The following MAML2 variants were observed in gnomAD, a reference collection of about 807,000 sequenced individuals.
The protein encoded by MAML2 is mastermind like transcriptional coactivator 2.
In MAML2, 22 loss-of-function variants were observed where a neutral mutation model predicts 96.1. The observed-to-expected ratio is 0.23, with a 90% CI of 0.16 to 0.33. The LOEUF (loss-of-function observed/expected upper bound fraction) is 0.33. MAML2 is among the 10% of genes least tolerant of loss of function. MAML2 has a pLI of 1.00. For missense variants in MAML2, 1,367 were observed against 1,392.4 expected (o/e 0.98, Z 0.29); for synonymous variants, 561 against 521.3 (o/e 1.08, Z -1.04).
At chr11:96,164,165 C>T (rs896686495) in intron 1 of MAML2, among the ~76,000 whole-genome samples, 3 of 152,092 alleles carry the variant, frequency 2.0e-5, no homozygotes, top group Non-Finnish European at 2.9e-5. Context: ...CATGAGCCAC[C>T]GTGCCCAGCC....
chr11:96,158,414 G>A (rs1328152774), intron 1 of MAML2, among the ~76,000 whole-genome samples: 1 of 152,162 alleles, frequency 6.6e-6, no homozygotes, highest in Non-Finnish European at 1.5e-5. Context: ...TCCCTGTGTG[G>A]CACAGGGGAA....
At chr11:96,157,561 G>A (rs142128905) in intron 1 of MAML2, among the ~76,000 whole-genome samples, 159 of 152,344 alleles carry the variant, frequency 1.0e-3, no homozygotes, top group African/African-American at 3.5e-3. Flanking sequence ...CATGCTCATG[G>A]AGTATGCATG....
intron 1 of MAML2, among the ~76,000 whole-genome samples, chr11:96,284,038 C>G (rs1470313009): frequency 1.3e-5 from 2 of 152,144 alleles, no homozygotes; most frequent in East Asian, 3.8e-4. Flanking sequence ...TCTTTCAGTT[C>G]TCATCCTCTT....
intron 1 of MAML2, among the ~76,000 whole-genome samples, chr11:96,120,647 G>A (rs910801407): frequency 6.6e-6 from 1 of 152,186 alleles, no homozygotes; most frequent in African/African-American, 2.4e-5. Flanking sequence ...TCACATCTGT[G>A]GAGGGCTGTG....
intron 2 of MAML2, among the ~76,000 whole-genome samples, chr11:96,039,336 G>A (rs1162006590): frequency 7.1e-6 from 1 of 140,302 alleles, no homozygotes; most frequent in Non-Finnish European, 1.6e-5. Flanking sequence ...AGGAGGGGAG[G>A]GGAGAGGAGA....
chr11:96,096,560 C>T (rs896277240), intron 1 of MAML2, among the ~76,000 whole-genome samples: 2 of 152,178 alleles, frequency 1.3e-5, no homozygotes, highest in African/African-American at 2.4e-5. Context: ...ATTCCCACTG[C>T]ACAGCCTGTG....
intron 2 of MAML2, among the ~76,000 whole-genome samples, chr11:96,047,792 A>T (rs1422593664): frequency 6.6e-6 from 1 of 151,432 alleles, no homozygotes; most frequent in Non-Finnish European, 1.5e-5. Flanking sequence ...GGCACCTGTA[A>T]TCCCAGCTAC....
intron 2 of MAML2, among the ~76,000 whole-genome samples, chr11:96,003,881 T>C (rs926942509): frequency 2.0e-5 from 3 of 152,166 alleles, no homozygotes; most frequent in Non-Finnish European, 4.4e-5. Context: ...TTTATAGTAA[T>C]ACTAGTAATA....
At chr11:96,296,290 T>C (rs1186836960) in intron 1 of MAML2, among the ~76,000 whole-genome samples, 1 of 152,166 alleles carries the variant, frequency 6.6e-6, no homozygotes, top group Non-Finnish European at 1.5e-5. Flanking sequence ...GAAAAAATAC[T>C]ACCCTAAAGT....
At chr11:96,276,816 CAAA>C (rs67291067) in intron 1 of MAML2, among the ~76,000 whole-genome samples, 46 of 78,618 alleles carry the variant, frequency 5.9e-4, no homozygotes, top group African/African-American at 1.3e-3. Flanking sequence ...TTCTCAGACC[CAAA>C]AAAAAAAAAA....
At chr11:96,067,267 A>G (rs1456627105) in intron 2 of MAML2, among the ~76,000 whole-genome samples, 9 of 152,190 alleles carry the variant, frequency 5.9e-5, no homozygotes, top group Non-Finnish European at 8.8e-5. Context: ...CATCTCCAGA[A>G]TCAATGTTCA....
chr11:96,118,255 C>T (rs887014900), intron 1 of MAML2, among the ~76,000 whole-genome samples: 8 of 152,194 alleles, frequency 5.3e-5, no homozygotes, highest in South Asian at 2.1e-4. Flanking sequence ...TCCAGCTATA[C>T]GGTTTGGCTC....
intron 1 of MAML2, among the ~76,000 whole-genome samples, chr11:96,319,840 A>G (rs1398711798): frequency 6.6e-6 from 1 of 152,256 alleles, no homozygotes; most frequent in Non-Finnish European, 1.5e-5. Flanking sequence ...AACCCATAAA[A>G]CTAAATAATC....
chr11:96,323,244 G>A (rs1479921617), intron 1 of MAML2, among the ~76,000 whole-genome samples: 2 of 152,132 alleles, frequency 1.3e-5, no homozygotes, highest in African/African-American at 4.8e-5. Flanking sequence ...GCAGCTTATA[G>A]AAAAATGTGA....
intron 1 of MAML2, among the ~76,000 whole-genome samples, chr11:96,167,949 G>C (rs1325315964): frequency 1.3e-5 from 2 of 152,206 alleles, no homozygotes; most frequent in Non-Finnish European, 2.9e-5. Flanking sequence ...CTATGTATAT[G>C]TCTGAAGTCT....
intron 1 of MAML2, among the ~76,000 whole-genome samples, chr11:96,099,249 G>A (rs1008259401): frequency 6.6e-6 from 1 of 152,254 alleles, no homozygotes; most frequent in East Asian, 1.9e-4. Flanking sequence ...AGACCAATCC[G>A]AAAGCTAATA....
intron 1 of MAML2, among the ~76,000 whole-genome samples, chr11:96,150,125 C>T (rs144188743): frequency 6.6e-6 from 1 of 152,192 alleles, no homozygotes; most frequent in Non-Finnish European, 1.5e-5. Flanking sequence ...ATTTCGTTAA[C>T]AATTTTTGAC....
chr11:96,166,667 T>C (rs1422027771), intron 1 of MAML2, among the ~76,000 whole-genome samples: 3 of 152,240 alleles, frequency 2.0e-5, no homozygotes, highest in Non-Finnish European at 2.9e-5. Flanking sequence ...GGATGTTATG[T>C]GTCTGTCACA....
chr11:96,172,484 A>T (rs904958689), intron 1 of MAML2, among the ~76,000 whole-genome samples: 1 of 152,208 alleles, frequency 6.6e-6, no homozygotes, highest in African/African-American at 2.4e-5. Context: ...TTCTTTTCTC[A>T]AATTGGTTTC....
Sources: allele counts gnomAD v4.1 joint callset (sites outside exome capture counted in the v4.1 genomes callset), GRCh38; gene constraint gnomAD v4.1.1; transcripts MANE v1.5; gene names NCBI Gene and HGNC (gene_info 2026-07-23, HGNC 2026-07-21).